The following AAMDC variants were observed in gnomAD, a reference collection of about 807,000 sequenced individuals.
AAMDC encodes the protein mth938 domain-containing protein.
AAMDC carries 16 observed loss-of-function variants against 15.5 expected under a neutral mutation model. That is an observed-to-expected ratio of 1.03 (90% CI 0.70 to 1.57). The LOEUF (loss-of-function observed/expected upper bound fraction) is 1.57, where lower values mean the gene tolerates loss of function less well. Among genes scored for constraint, AAMDC ranks in the 40% most tolerant of loss-of-function variants. AAMDC has a pLI of 0.00. For synonymous variants in AAMDC, 51 were observed against 51.6 expected (o/e 0.99, Z 0.05); for missense variants, 141 against 144.9 (o/e 0.97, Z 0.14).
intron 1 of AAMDC, among the ~76,000 whole-genome samples, chr11:77,839,827 CAG>C (rs1182683030): frequency 2.0e-5 from 3 of 151,756 alleles, no homozygotes; most frequent in East Asian, 3.9e-4. Flanking sequence ...TGGTGGGGGT[CAG>C]GGGGAGGGAG....
intron 5 of AAMDC, among the ~76,000 whole-genome samples, chr11:77,895,580 C>G (rs1014007294): frequency 4.3e-5 from 4 of 93,914 alleles, no homozygotes; most frequent in African/African-American, 1.6e-4. Context: ...AGTTTTTAAA[C>G]TAATCTTCTA....
At chr11:77,842,719 C>G (rs548416593) in intron 2 of AAMDC, 91 bp downstream of exon 2, 1 of 1,532,270 alleles carries the variant, frequency 6.5e-7, no homozygotes, top group South Asian at 1.2e-5. Flanking sequence ...AAAACTATTT[C>G]TCTTGTGTCT....
At chr11:77,857,723 GTC>G (rs1164648293) in intron 2 of AAMDC, among the ~76,000 whole-genome samples, 1 of 147,720 alleles carries the variant, frequency 6.8e-6, no homozygotes, top group Non-Finnish European at 1.5e-5. Context: ...TTGAGATGGA[GTC>G]TCGCTCTGTC....
At chr11:77,846,631 G>A (rs1174295487) in intron 2 of AAMDC, among the ~76,000 whole-genome samples, 3 of 152,134 alleles carry the variant, frequency 2.0e-5, no homozygotes, top group Non-Finnish European at 2.9e-5. Context: ...GCTTGAACCC[G>A]GGAGGTGGAG....
downstream of AAMDC, among the ~76,000 whole-genome samples, chr11:77,873,119 TTC>T (rs1453854792): frequency 6.6e-6 from 1 of 152,184 alleles, no homozygotes; most frequent in Non-Finnish European, 1.5e-5. Flanking sequence ...TTTTTAATTT[TTC>T]TTTCTTTTTA....
intron 1 of AAMDC, among the ~76,000 whole-genome samples, chr11:77,836,467 C>T (rs1292299324): frequency 6.6e-6 from 1 of 152,136 alleles, no homozygotes; most frequent in East Asian, 1.9e-4. Context: ...AAGGCCTCGC[C>T]ATAAACCAAC....
chr11:77,831,994 A>T lies in AAMDC; in HGVS notation c.-18-10485A>T, dbSNP rs990706047. 32 of 150,132 alleles carry T rather than the reference A, an allele frequency of 2.1e-4. 1 individual carries two copies. 9.3% of individuals were successfully genotyped at this position (150,132 alleles called of 1,614,324 possible). On this transcript the variant is annotated intron_variant, in intron 1 of 3. Coordinates refer to ENST00000393427, the MANE Select transcript of AAMDC (RefSeq NM_024684.4). ...CAGAAGTGCTGGGATTACAGGCATG[A>T]GCCACCACGCCTGGCCAGGTATCTT...
downstream of AAMDC, chr11:77,901,562 A>G (rs1952778132): frequency 1.3e-6 from 2 of 1,581,454 alleles, no homozygotes; most frequent in South Asian, 2.2e-5. Context: ...CTATAAAGGA[A>G]AGATAATTAA....
chr11:77,890,434 C>T (rs1421374939), intron 5 of AAMDC, among the ~76,000 whole-genome samples: 3 of 152,016 alleles, frequency 2.0e-5, no homozygotes, highest in African/African-American at 7.3e-5. Context: ...TTTGGCCCTT[C>T]TCTCATATCC....
intron 2 of AAMDC, among the ~76,000 whole-genome samples, chr11:77,854,388 A>G (rs1950526706): frequency 6.6e-6 from 1 of 152,206 alleles, no homozygotes; most frequent in African/African-American, 2.4e-5. Context: ...CTATGAGCCT[A>G]TAAGATCAAA....
intron 1 of AAMDC, among the ~76,000 whole-genome samples, chr11:77,835,841 G>A (rs1433537478): frequency 6.6e-6 from 1 of 152,012 alleles, no homozygotes; most frequent in Non-Finnish European, 1.5e-5. Flanking sequence ...GAATCACTTG[G>A]AGGTTGCAGT....
At chr11:77,878,749 G>A in intron 5 of AAMDC, 2 of 695,162 alleles carry the variant, frequency 2.9e-6, no homozygotes, top group Non-Finnish European at 5.2e-6. Flanking sequence ...ATTGTGGACA[G>A]GAGAAGGGTA....
intron 1 of AAMDC, among the ~76,000 whole-genome samples, chr11:77,834,197 T>C (rs1035361509): frequency 6.6e-6 from 1 of 152,142 alleles, no homozygotes; most frequent in African/African-American, 2.4e-5. Context: ...GTAAATTACA[T>C]ATCAACAAAT....
At chr11:77,896,241 A>T (rs551800526) in intron 5 of AAMDC, among the ~76,000 whole-genome samples, 4 of 152,358 alleles carry the variant, frequency 2.6e-5, no homozygotes, top group Admixed American at 6.5e-5. Context: ...AAGGAAAAAA[A>T]TAGTAGAGAA....
At chr11:77,845,603 T>C (rs1037779051) in intron 2 of AAMDC, among the ~76,000 whole-genome samples, 16 of 152,134 alleles carry the variant, frequency 1.1e-4, no homozygotes, top group Non-Finnish European at 1.6e-4. Context: ...GCTCTTTTTG[T>C]ATTTTTAGTA....
chr11:77,833,273 C>T (rs1949537844), intron 1 of AAMDC, among the ~76,000 whole-genome samples: 1 of 151,832 alleles, frequency 6.6e-6, no homozygotes, highest in Admixed American at 6.6e-5. Context: ...AATAATTATA[C>T]AACTGACCAT....
At chr11:77,841,235 T>A in intron 1 of AAMDC, 1 of 702,494 alleles carries the variant, frequency 1.4e-6, no homozygotes, top group Non-Finnish European at 2.6e-6. Context: ...GTCCCACCTC[T>A]TAATGTTGTT....
chr11:77,849,762 ATCTT>A lies in AAMDC; in HGVS notation c.132+7141_132+7144del, dbSNP rs138132798. Reference sequence around the variant, plus strand: ...CTTTTTATCTTCCAAACCTGTCATGATCTTTCTTTCCTCTGCACCTTTGCTAAAA... The same window carrying A: ...CTTTTTATCTTCCAAACCTGTCATGATCTTTCCTCTGCACCTTTGCTAAAA... On this transcript the variant is annotated intron_variant, in intron 2 of 3. Transcript: ENST00000393427. 4.0e-4 allele frequency among the ~76,000 whole-genome samples: 61 copies of A among 152,258 alleles called. 3 individuals are homozygous for A. The East Asian group carries it at 0.012, about 29-fold the overall frequency.
intron 3 of AAMDC, 40 bp downstream of exon 3, chr11:77,869,857 G>T: frequency 1.3e-6 from 2 of 1,576,944 alleles, no homozygotes; most frequent in South Asian, 2.2e-5. Context: ...GGACAGGTGG[G>T]GATCTCTTGG....
Sources: gnomAD v4.1 joint callset for allele counts (sites outside exome capture counted in the v4.1 genomes callset) on GRCh38, gnomAD v4.1.1 for gene constraint, MANE v1.5 for transcripts, NCBI Gene and HGNC (gene_info 2026-07-23, HGNC 2026-07-21) for gene names.